The following EFCAB8 variants were observed in gnomAD, a reference collection of about 807,000 sequenced individuals.
EFCAB8 encodes the protein EF-hand calcium binding domain 8, also known as EF-hand calcium-binding domain-containing protein 8.
A neutral mutation model predicts 116.3 loss-of-function variants in EFCAB8; 100 were observed. The ratio of observed to expected loss-of-function variants is 0.86; its 90% confidence interval spans 0.73 to 1.02. The LOEUF is 1.02. EFCAB8 is among the 50% of genes least tolerant of loss of function. EFCAB8 has a pLI of 0.00. For synonymous variants in EFCAB8, 558 were observed against 567.9 expected (o/e 0.98, Z 0.25); for missense variants, 1,320 against 1,416.9 (o/e 0.93, Z 1.10).
chr20:32,898,587 T>A lies in EFCAB8; in HGVS notation c.1052T>A (p.Leu351Gln). 1.4e-6 allele frequency: 1 copy of A among 718,608 alleles called. No individual in the cohort carries two copies. The allele number at this position is 718,608 out of a possible 1,614,324, so 44.5% of individuals were successfully genotyped here. Residue 351 changes from leucine to glutamine, a missense_variant, in exon 11 of 27, where the codon CTG (leucine) becomes CAG (glutamine). Physicochemically the swap from Leu to Gln is moderately radical, Grantham distance 113 (BLOSUM62 -2). Coordinates refer to ENST00000400522, the MANE Select transcript of EFCAB8 (RefSeq NM_001143967.2). The part of the protein sequence containing the change: ...CSAIEKSSLV[L>Q]TILPAKASKK... ...GCCATCGAGAAGTCCTCTCTGGTGC[T>A]GACAATATTGCCAGCCAAAGCCTCT... is the stretch of plus-strand genomic sequence containing the variant.
intron 22 of EFCAB8, among the ~76,000 whole-genome samples, chr20:32,938,796 A>AT (rs1425556026): frequency 6.7e-6 from 1 of 149,984 alleles, no homozygotes; most frequent in African/African-American, 2.5e-5. Flanking sequence ...ATGGAAATAC[A>AT]TCTCATGTTC....
In EFCAB8 at chr20:32,896,502, C is replaced by T. The variant is rs1986167910; in HGVS notation, c.932C>T (p.Ala311Val). The T allele has an allele frequency of 2.8e-6, 2 of 719,042 alleles. No individual in the cohort carries two copies. Among genetic ancestry groups the T allele is most frequent in the Middle Eastern group, 2.3e-4 (1 of 4,376 alleles). 44.5% of individuals were successfully genotyped at this position (719,042 alleles called of 1,614,324 possible). The change falls in exon 10 of 27, where the codon GCT becomes GTT. Residue 311 changes from alanine (A) to valine (V), a missense_variant. By Grantham distance (64) the Ala-to-Val change is moderately conservative (BLOSUM62 0). Coordinates refer to ENST00000400522, the MANE Select transcript of EFCAB8 (RefSeq NM_001143967.2). ...SLQKLLNEKS[A>V]LHRSYRLKAL... is the part of the protein sequence containing the mutation. ...CAGAAACTCTTAAATGAGAAGTCTG[C>T]TTTGCATAGAAGCTACCGGCTGAAG...
chr20:32,912,613 C>G (rs190352794), intron 16 of EFCAB8, among the ~76,000 whole-genome samples, 181 bp from the exon 17 acceptor site: 182 of 152,200 alleles, frequency 1.2e-3, no homozygotes, highest in Admixed American at 2.0e-3. Context: ...TCCCCTAAGT[C>G]CATCAAATGA....
At chr20:32,865,600 C>G (rs1984350329) in intron 2 of EFCAB8, among the ~76,000 whole-genome samples, 1 of 151,842 alleles carries the variant, frequency 6.6e-6, no homozygotes, top group African/African-American at 2.4e-5. Flanking sequence ...GAGTTCGAGG[C>G]CAGCCTGGTC....
Position 32,943,791 on chromosome 20 carries a change from C to T in EFCAB8, c.2946C>T (p.Ser982=), listed in dbSNP as rs149579127. 2.4e-4 allele frequency: 100 copies of T among 416,860 alleles called. No individual in the cohort carries two copies. The highest frequency in any genetic ancestry group is 3.4e-4 in the Non-Finnish European group (78 of 226,414). The allele number at this position is 416,860 out of a possible 1,614,324, so 25.8% of individuals were successfully genotyped here. The change falls in exon 23 of 27, where the codon TCC becomes TCT. Residue 982 remains serine, a synonymous_variant. Transcript: ENST00000400522. Reference sequence around the variant, plus strand: ...GGGACGTCAAGGCTTGGAAACTCTCCGGTGATGCCATTGGTATGGGTCCTG... The same window carrying T: ...GGGACGTCAAGGCTTGGAAACTCTCTGGTGATGCCATTGGTATGGGTCCTG... ...QDRDVKAWKL[S]GDAIGTFGLS...
chr20:32,862,068 T>C (rs1444638995), intron 1 of EFCAB8, among the ~76,000 whole-genome samples: 1 of 152,142 alleles, frequency 6.6e-6, no homozygotes, highest in East Asian at 1.9e-4. Context: ...TTCTGTCCTC[T>C]AAATGTAGCC....
rs528916709 is a variant in EFCAB8 at position 32,911,542 on chromosome 20, G to A, written c.1620G>A (p.Thr540=). The change falls in exon 16 of 27, where the codon ACG becomes ACA. Residue 540 remains threonine, a synonymous_variant. Transcript: ENST00000400522. ...GGGAGGTCGTGACGGGCAGGAAGAC[G>A]ATGGAGTTTGCTGTGTCTGGGGGCC... The part of the protein sequence containing the change: ...SVWEVVTGRK[T]MEFAVSGGQH... 2.6e-6 allele frequency: 4 copies of A among 1,530,044 alleles called. No individual in the cohort carries two copies. The South Asian group carries it at 3.7e-5, about 14-fold the overall frequency. The allele number at this position is 1,530,044 out of a possible 1,614,324, so 94.8% of individuals were successfully genotyped here.
chr20:32,877,168 T>C (rs1385104691), intron 4 of EFCAB8, among the ~76,000 whole-genome samples: 2 of 151,820 alleles, frequency 1.3e-5, no homozygotes, highest in African/African-American at 2.4e-5. Context: ...CATTCTGGGT[T>C]TTCTTCTTCT....
intron 10 of EFCAB8, among the ~76,000 whole-genome samples, chr20:32,897,779 A>G (rs2146220433): frequency 6.6e-6 from 1 of 152,202 alleles, no homozygotes; most frequent in East Asian, 1.9e-4. Context: ...AGTGTCTTGG[A>G]TTCGGTGCCT....
chr20:32,892,717 G>A (rs1461596190), intron 8 of EFCAB8, among the ~76,000 whole-genome samples: 1 of 152,170 alleles, frequency 6.6e-6, no homozygotes, highest in African/African-American at 2.4e-5. Context: ...GCCCGTGTTT[G>A]TTGGCTCCTC....
intron 6 of EFCAB8, among the ~76,000 whole-genome samples, 153 bp from the exon 7 acceptor site, chr20:32,889,148 C>T (rs527852320): frequency 2.0e-5 from 3 of 152,218 alleles, no homozygotes; most frequent in Admixed American, 6.5e-5. Context: ...GGGAGTTTAT[C>T]CAAGGCCCCT....
chr20:32,920,306 C>G lies in EFCAB8; in HGVS notation c.2412+91C>G, dbSNP rs923661145. The G allele has an allele frequency of 2.0e-6, 3 of 1,479,702 alleles. No homozygotes were observed. In the African/African-American group the frequency reaches 4.2e-5, roughly 21 times the overall value. 91.7% of individuals were successfully genotyped at this position (1,479,702 alleles called of 1,614,324 possible). A position where few individuals can be genotyped will look rare whatever the true frequency, so the allele number is the denominator to read the frequency against. On this transcript the variant is annotated intron_variant, in intron 20 of 26. Coordinates refer to ENST00000400522, the MANE Select transcript of EFCAB8 (RefSeq NM_001143967.2). The stretch of plus-strand genomic sequence containing the variant: ...AGGATGGGGCTCGGGGGCCTGGGCT[C>G]GGGGCCCGGCCTGATTCTCCCCAGT...
intron 2 of EFCAB8, among the ~76,000 whole-genome samples, chr20:32,867,051 G>A (rs1354191883): frequency 6.6e-6 from 1 of 152,030 alleles, no homozygotes; most frequent in African/African-American, 2.4e-5. Context: ...CTGAGTAGCT[G>A]GGACTACAGG....
chr20:32,939,107 TTCTTTCTCTCTTTCTTTC>T (rs1159425478), intron 22 of EFCAB8, among the ~76,000 whole-genome samples: 3 of 138,848 alleles, frequency 2.2e-5, no homozygotes. Context: ...CTTCCTTCCT[TTCTTTCTCTCTTTCTTTC>T]TCTTTCTTTC....
intron 22 of EFCAB8, among the ~76,000 whole-genome samples, chr20:32,937,674 A>C (rs1988173000): frequency 6.6e-6 from 1 of 150,796 alleles, no homozygotes; most frequent in Non-Finnish European, 1.5e-5. Flanking sequence ...GCTGGAGTAC[A>C]ATGGTGTGAT....
chr20:32,927,327 GTTTA>G (rs965684529), intron 20 of EFCAB8, among the ~76,000 whole-genome samples: 2 of 151,876 alleles, frequency 1.3e-5, no homozygotes, highest in Non-Finnish European at 2.9e-5. Flanking sequence ...ACCATGATTT[GTTTA>G]TTTATTTATT....
intron 19 of EFCAB8, among the ~76,000 whole-genome samples, chr20:32,919,182 C>T (rs1208977928): frequency 6.6e-6 from 1 of 152,182 alleles, no homozygotes; most frequent in Non-Finnish European, 1.5e-5. Context: ...AGTATTCCAA[C>T]AATCAGTGCA....
Position 32,941,028 on chromosome 20 carries a change from C to T in EFCAB8, c.2791-2608C>T, listed in dbSNP as rs900257475. Among the ~76,000 whole-genome samples, 9 of 148,996 alleles carry T rather than the reference C, an allele frequency of 6.0e-5. 1 individual carries two copies. Among genetic ancestry groups the T allele is most frequent in the Non-Finnish European group, 1.2e-4 (8 of 67,194 alleles). On this transcript the variant is annotated intron_variant, in intron 22 of 26. Coordinates refer to ENST00000400522, the MANE Select transcript of EFCAB8 (RefSeq NM_001143967.2). ...CAGCACTTTGGGAGGCTGAGGTGGG[C>T]GGATTATGAGGTCAGGAGTTTGAGA...
intron 23 of EFCAB8, among the ~76,000 whole-genome samples, chr20:32,956,777 T>C (rs1227871519): frequency 6.6e-6 from 1 of 152,132 alleles, no homozygotes; most frequent in Non-Finnish European, 1.5e-5. Flanking sequence ...AGTTCACTGA[T>C]CTTTTAAATC....
Sources: gnomAD v4.1 joint callset for allele counts (sites outside exome capture counted in the v4.1 genomes callset) on GRCh38, gnomAD v4.1.1 for gene constraint, MANE v1.5 for transcripts, NCBI Gene and HGNC (gene_info 2026-07-23, HGNC 2026-07-21) for gene names.